SERPINA12: variants seen among roughly 807,000 people sequenced by gnomAD.
The protein encoded by SERPINA12 is serpin family A member 12.
Under a neutral mutation model 25.9 loss-of-function variants are expected in SERPINA12, and 21 were observed. That is an observed-to-expected ratio of 0.81 (90% CI 0.58 to 1.17). The LOEUF is 1.17. Among genes scored for constraint, SERPINA12 ranks in the 50% most tolerant of loss-of-function variants. The pLI is 0.00. For synonymous variants in SERPINA12, 220 were observed against 196.0 expected (o/e 1.12, Z -1.02); for missense variants, 562 against 508.3 (o/e 1.11, Z -1.02).
upstream of SERPINA12, among the ~76,000 whole-genome samples, chr14:94,512,229 C>T (rs1210930678): frequency 3.3e-5 from 5 of 152,208 alleles, no homozygotes; most frequent in Non-Finnish European, 7.3e-5. Context: ...CCCACCCACT[C>T]ACGTGTCCCC....
chr14:94,494,189 C>T (rs542622180), intron 3 of SERPINA12, among the ~76,000 whole-genome samples: 2 of 152,156 alleles, frequency 1.3e-5, no homozygotes, highest in South Asian at 4.1e-4. Flanking sequence ...CCTCCCATTT[C>T]TTACCTTCTC....
chr14:94,502,896 AC>A (rs1469768008), intron 1 of SERPINA12, among the ~76,000 whole-genome samples: 3 of 152,100 alleles, frequency 2.0e-5, no homozygotes, highest in East Asian at 1.9e-4. Flanking sequence ...TGCCCCAGGA[AC>A]CCCAGGCCCT....
upstream of SERPINA12, chr14:94,511,436 A>G (rs953621545): frequency 1.1e-5 from 11 of 985,438 alleles, no homozygotes; most frequent in Non-Finnish European, 1.2e-5. Flanking sequence ...AAATATGTGG[A>G]TACAACTAGT....
chr14:94,506,931 T>G (rs1371459191), intron 1 of SERPINA12, among the ~76,000 whole-genome samples: 3 of 152,196 alleles, frequency 2.0e-5, no homozygotes, highest in Non-Finnish European at 2.9e-5. Context: ...GCCACAGTAT[T>G]AAGGTATTGG....
At chr14:94,497,224 G>T (rs1284226546) in intron 2 of SERPINA12, among the ~76,000 whole-genome samples, 1 of 152,118 alleles carries the variant, frequency 6.6e-6, no homozygotes, top group Non-Finnish European at 1.5e-5. Context: ...CTCTCCATCA[G>T]ATCTGGGAAA....
At chr14:94,491,860 A>G (rs939651152) in intron 3 of SERPINA12, among the ~76,000 whole-genome samples, 1 of 152,172 alleles carries the variant, frequency 6.6e-6, no homozygotes, top group Non-Finnish European at 1.5e-5. Context: ...CGACTCTGGA[A>G]TTTGGGGGAG....
chr14:94,497,764 C>T lies in SERPINA12; in HGVS notation c.634G>A (p.Ala212Thr), dbSNP rs1463376871. 2 of 1,599,416 alleles carry T rather than the reference C, an allele frequency of 1.3e-6. No individual in the cohort carries two copies. Among genetic ancestry groups the T allele is most frequent in the South Asian group, 2.3e-5 (2 of 88,260 alleles). ...CACACCAACATGCCAAAAGCCTTAC[C>T]TCGAAAGAAAATATAATTTGCAAGA... ...MLLANYIFFR[A>T]RWKHEFDPNV... The change falls in exon 2 of 5, where the codon GCC (alanine) becomes ACC (threonine). Residue 212 changes from alanine to threonine, a missense_variant and splice_region_variant. Ala to Thr is a moderately conservative substitution (Grantham distance 58). Coordinates refer to ENST00000677451, the MANE Select transcript of SERPINA12 (RefSeq NM_001382267.1).
chr14:94,508,146 T>G (rs906374519), intron 1 of SERPINA12, among the ~76,000 whole-genome samples: 1 of 152,370 alleles, frequency 6.6e-6, no homozygotes, highest in African/African-American at 2.4e-5. Flanking sequence ...CAAATTATAC[T>G]GTACCTCCAA....
intron 1 of SERPINA12, among the ~76,000 whole-genome samples, chr14:94,507,786 T>A (rs1313504178): frequency 1.3e-5 from 2 of 152,174 alleles, no homozygotes; most frequent in African/African-American, 2.4e-5. Context: ...CTTGGCAGGA[T>A]CTATAAAAGG....
upstream of SERPINA12, among the ~76,000 whole-genome samples, chr14:94,509,842 A>G (rs902529296): frequency 1.3e-5 from 2 of 152,300 alleles, no homozygotes; most frequent in African/African-American, 4.8e-5. Context: ...CCAGCTCCAC[A>G]GCCCTGATCC....
At position 94,496,543 on chromosome 14, in the gene SERPINA12, G is replaced by A; in HGVS notation, c.735C>T (p.Gly245=). Residue 245 remains glycine (G), a synonymous_variant, in exon 3 of 5, where the codon GGC becomes GGT. Coordinates refer to ENST00000677451, the MANE Select transcript of SERPINA12 (RefSeq NM_001382267.1). ...SVKVPMMFRS[G]IYQVGYDDKL... is the part of the protein sequence containing the mutation. ...TATCGTCATAGCCAACTTGGTATAT[G>A]CCACTACGGAACATCATGGGCACCT... The A allele has an allele frequency of 1.1e-5, 18 of 1,614,098 alleles. No homozygotes were observed. Among genetic ancestry groups the A allele is most frequent in the Non-Finnish European group, 1.5e-5 (18 of 1,180,004 alleles).
upstream of SERPINA12, among the ~76,000 whole-genome samples, chr14:94,513,167 C>G (rs12147724): frequency 0.09 from 13,752 of 152,238 alleles, 877 homozygotes; most frequent in African/African-American, 0.17. Context: ...CTGATAGAAA[C>G]CAAGTGTGGG....
At chr14:94,505,607 G>A (rs979539693) in intron 1 of SERPINA12, among the ~76,000 whole-genome samples, 7 of 152,322 alleles carry the variant, frequency 4.6e-5, no homozygotes, top group South Asian at 2.1e-4. Flanking sequence ...CAGAGCCAGT[G>A]AGGTGGACAC....
chr14:94,496,735 C>T, intron 2 of SERPINA12, 92 bp from the exon 3 acceptor site: 1 of 1,097,440 alleles, frequency 9.1e-7, no homozygotes, highest in Non-Finnish European at 1.3e-6. Flanking sequence ...CACACAGATT[C>T]AGGGTGAAAG....
At position 94,496,489 on chromosome 14, in the gene SERPINA12, G is replaced by A; in HGVS notation, c.789C>T (p.Pro263=). The A allele has an allele frequency of 1.2e-6, 2 of 1,614,160 alleles. No homozygotes were observed. Among genetic ancestry groups the A allele is most frequent in the Non-Finnish European group, 8.5e-7 (1 of 1,180,026 alleles). ...AGATGGCTGTGATATTTTTCTGGTA[G>A]GGTATTTCCAGGATGGTGCAAGAGA... ...DKLSCTILEI[P]YQKNITAIFI... is the part of the protein sequence containing the mutation. The change falls in exon 3 of 5, where the codon CCC becomes CCT. Residue 263 remains proline, a synonymous_variant. Transcript: ENST00000677451.
chr14:94,507,749 G>A (rs1448051407), intron 1 of SERPINA12, among the ~76,000 whole-genome samples: 4 of 152,150 alleles, frequency 2.6e-5, no homozygotes, highest in Admixed American at 1.3e-4. Flanking sequence ...TGTGCAAACC[G>A]ACACCAACGT....
At chr14:94,506,047 G>A (rs1900920239) in intron 1 of SERPINA12, among the ~76,000 whole-genome samples, 1 of 152,216 alleles carries the variant, frequency 6.6e-6, no homozygotes, top group Non-Finnish European at 1.5e-5. Flanking sequence ...TAGACTTGAG[G>A]CTGCCCCGAC....
At position 94,495,421 on chromosome 14, in the gene SERPINA12, T is replaced by C. The variant is rs80271367; in HGVS notation, c.905+952A>G. Among the ~76,000 whole-genome samples the C allele has an allele frequency of 9.6e-3, 1,463 of 152,318 alleles. 30 individuals are homozygous for C. The highest frequency in any genetic ancestry group is 0.034 in the African/African-American group (1,414 of 41,572). On this transcript the variant is annotated intron_variant, in intron 3 of 4. Coordinates refer to ENST00000677451, the MANE Select transcript of SERPINA12 (RefSeq NM_001382267.1). ...CACTCTAGATATAAGAGATGCATTC[T>C]GGAATGCCTCCAAGACAGTGTTCTG...
rs1208406353 is a variant in SERPINA12 at position 94,498,045 on chromosome 14, T to C, written c.353A>G (p.Tyr118Cys). The C allele has an allele frequency of 6.2e-7, 1 of 1,614,182 alleles. No homozygotes were observed. Reference protein sequence around the residue: ...PEKDLHEGFHYIIHELTQKTQ... With the variant: ...PEKDLHEGFHCIIHELTQKTQ... ...CTTCTGGGTCAGCTCGTGGATGATG[T>C]AATGGAAGCCCTCATGAAGATCTTT... Residue 118 changes from tyrosine (Y) to cysteine (C), a missense_variant, in exon 2 of 5, where the codon TAC becomes TGC. Transcript: ENST00000677451.
Sources: gnomAD v4.1 joint callset for allele counts (sites outside exome capture counted in the v4.1 genomes callset) on GRCh38, gnomAD v4.1.1 for gene constraint, MANE v1.5 for transcripts, NCBI Gene and HGNC (gene_info 2026-07-23, HGNC 2026-07-21) for gene names.